KIAA1755: variants seen among roughly 807,000 people sequenced by gnomAD.
The protein encoded by KIAA1755 is KIAA1755, also known as uncharacterized protein KIAA1755.
Under a neutral mutation model 91.7 loss-of-function variants are expected in KIAA1755, and 68 were observed. That is an observed-to-expected ratio of 0.74 (90% CI 0.61 to 0.91). KIAA1755 has a LOEUF of 0.91. KIAA1755 is among the 40% of genes least tolerant of loss of function. The probability of loss-of-function intolerance (pLI) is 0.00; values close to 1 mark genes in which losing one functional copy is unlikely to be tolerated. For missense variants in KIAA1755, 1,535 were observed against 1,494.4 expected (o/e 1.03, Z -0.45); for synonymous variants, 610 against 604.6 (o/e 1.01, Z -0.13).
chr20:38,250,803 C>T (rs928105865), intron 1 of KIAA1755, among the ~76,000 whole-genome samples: 2 of 151,306 alleles, frequency 1.3e-5, no homozygotes, highest in South Asian at 2.1e-4. Context: ...AAATGCAGGG[C>T]GCCATGATGT....
intron 4 of KIAA1755, among the ~76,000 whole-genome samples, chr20:38,237,994 C>G (rs1461508120): frequency 1.3e-5 from 2 of 152,118 alleles, no homozygotes; most frequent in Admixed American, 6.6e-5. Flanking sequence ...ATGTTGCAAC[C>G]CCCAAGAATT....
chr20:38,239,479 G>T, intron 4 of KIAA1755, 49 bp downstream of exon 4: 1 of 1,575,318 alleles, frequency 6.3e-7, no homozygotes. Flanking sequence ...AAGATGCTCT[G>T]GGGCCCCCAG....
At chr20:38,225,574 A>T (rs1267802649) in intron 8 of KIAA1755, 91 bp downstream of exon 8, 1 of 850,986 alleles carries the variant, frequency 1.2e-6, no homozygotes. Context: ...ATTTTTTAGC[A>T]TAGCAGGGTT....
rs778399660 is a variant in KIAA1755 at position 38,222,688 on chromosome 20, C to T, written c.2269-91G>A. On this transcript the variant is annotated intron_variant, in intron 9 of 13. Transcript: ENST00000279024. ...CCCACACCCAGATCAAGTCCAACTC[C>T]CAGTTTGGCATTCAAGGTCCTCCAG... 5.0e-6 allele frequency: 7 copies of T among 1,393,086 alleles called. No individual in the cohort carries two copies. The Admixed American group carries it at 1.4e-4, about 27-fold the overall frequency. 86.3% of individuals were successfully genotyped at this position (1,393,086 alleles called of 1,614,324 possible). A position where few individuals can be genotyped will look rare whatever the true frequency, so the allele number is the denominator to read the frequency against.
Position 38,260,636 on chromosome 20 carries a change from A to G in KIAA1755, c.-136T>C, listed in dbSNP as rs867444783. ...CCAGGGGATAGGGCAGGCCCGGGGC[A>G]CCGACCCCGGCGTCATCTCGGAGGA... On this transcript the variant is annotated 5_prime_UTR_variant, in exon 1 of 14. Transcript: ENST00000279024. 1.6e-5 allele frequency: 17 copies of G among 1,079,088 alleles called. No individual in the cohort carries two copies. In the South Asian group the frequency reaches 3.6e-4, roughly 23 times the overall value. 66.8% of individuals were successfully genotyped at this position (1,079,088 alleles called of 1,614,324 possible). A position where few individuals can be genotyped will look rare whatever the true frequency, so the allele number is the denominator to read the frequency against.
Position 38,218,342 on chromosome 20 carries a change from C to T in KIAA1755, c.2581G>A (p.Gly861Arg), listed in dbSNP as rs777259424. 8 of 1,614,214 alleles carry T rather than the reference C, an allele frequency of 5.0e-6. No individual in the cohort carries two copies. Among genetic ancestry groups the T allele is most frequent in the Non-Finnish European group, 6.8e-6 (8 of 1,180,030 alleles). The change falls in exon 12 of 14, where the codon GGA becomes AGA. Residue 861 changes from glycine to arginine, a missense_variant. Gly to Arg is a moderately radical substitution (Grantham distance 125). Coordinates refer to ENST00000279024, the MANE Select transcript of KIAA1755 (RefSeq NM_001029864.2). ...GTCAGTGATTGCAGGCACCGCCTTC[C>T]TTCCTGCTCCATCCAGTCGCTGACC... ...HQVSDWMEQE[G>R]RRCLQSLTPK...
chr20:38,215,579 G>A (rs2075530343), intron 13 of KIAA1755, among the ~76,000 whole-genome samples: 1 of 152,196 alleles, frequency 6.6e-6, no homozygotes. Flanking sequence ...AGTCAGAAAG[G>A]GTGTCTGCAA....
At position 38,214,020 on chromosome 20, in the gene KIAA1755, C is replaced by T. The variant is rs1375402352; in HGVS notation, c.2902-277G>A. On this transcript the variant is annotated intron_variant, in intron 13 of 13. Transcript: ENST00000279024. ...AGGCTAGAGTGCAGTGGTGTGATCT[C>T]GGCTCACTGCAAGCTCTGCTTCCCA... Among the ~76,000 whole-genome samples, 5 of 149,048 alleles carry T rather than the reference C, an allele frequency of 3.4e-5. No individual in the cohort carries two copies. In the East Asian group the frequency reaches 6.0e-4, roughly 18 times the overall value.
At chr20:38,254,347 T>TG (rs1179251202) in intron 1 of KIAA1755, among the ~76,000 whole-genome samples, 4 of 141,838 alleles carry the variant, frequency 2.8e-5, no homozygotes, top group African/African-American at 8.5e-5. Flanking sequence ...CCCTGTTCCT[T>TG]GGGGAAAAAA....
chr20:38,250,502 G>GTGTGTGTC (rs1555830362), intron 1 of KIAA1755, among the ~76,000 whole-genome samples: 2,858 of 141,570 alleles, frequency 0.02, 35 homozygotes, highest in Non-Finnish European at 0.034. Flanking sequence ...GTGTGTGTGT[G>GTGTGTGTC]TGTGTGTGTC....
At chr20:38,232,544 C>T (rs910020528) in intron 4 of KIAA1755, among the ~76,000 whole-genome samples, 7 of 150,304 alleles carry the variant, frequency 4.7e-5, no homozygotes, top group Non-Finnish European at 7.4e-5. Context: ...ATGAGAATGG[C>T]GTGAACCTGG....
At chr20:38,259,820 CCACACACACACACACA>C in intron 1 of KIAA1755, among the ~76,000 whole-genome samples, 1 of 138,698 alleles carries the variant, frequency 7.2e-6, no homozygotes, top group East Asian at 2.1e-4. Flanking sequence ...ACCACCACCA[CCACACACACACACACA>C]CACACACACA....
At chr20:38,232,451 C>T (rs1296788452) in intron 4 of KIAA1755, among the ~76,000 whole-genome samples, 1 of 151,710 alleles carries the variant, frequency 6.6e-6, no homozygotes, top group Non-Finnish European at 1.5e-5. Context: ...ATGGTGAAAC[C>T]CCGTCTCTAC....
intron 1 of KIAA1755, among the ~76,000 whole-genome samples, chr20:38,254,943 G>T (rs1381001944): frequency 6.6e-6 from 1 of 152,094 alleles, no homozygotes; most frequent in Non-Finnish European, 1.5e-5. Flanking sequence ...TTGGGAGGCT[G>T]AGGCAGGCAG....
chr20:38,236,900 A>T (rs966753068), intron 4 of KIAA1755: 1 of 152,134 alleles, frequency 6.6e-6, no homozygotes, highest in Non-Finnish European at 1.5e-5. Flanking sequence ...GCGTGTTCTC[A>T]TCCTGATGGG....
At chr20:38,252,667 G>A (rs959916342) in intron 1 of KIAA1755, among the ~76,000 whole-genome samples, 1 of 152,162 alleles carries the variant, frequency 6.6e-6, no homozygotes, top group African/African-American at 2.4e-5. Flanking sequence ...TGAAGAAACT[G>A]TTTACCTCTC....
Position 38,217,289 on chromosome 20 carries a change from GA to G in KIAA1755, c.2864del (p.Leu955ProfsTer14). ...YMAAERQRTD[L>X]ETLLHLHRFC... is the part of the protein sequence containing the mutation. Reference sequence around the variant, plus strand: ...AGCGGTGCAGGTGGAGCAGCGTCTCGAGGTCCGTGCGTTGCCGCTCGGCCGC... The same window carrying G: ...AGCGGTGCAGGTGGAGCAGCGTCTCGGGTCCGTGCGTTGCCGCTCGGCCGC... On this transcript the variant is annotated frameshift_variant, in exon 13 of 14. Transcript: ENST00000279024. LOFTEE classifies it low-confidence loss of function (END_TRUNC). 1 of 1,606,966 alleles carries G rather than the reference GA, an allele frequency of 6.2e-7. No individual in the cohort carries two copies. Among genetic ancestry groups the G allele is most frequent in the Non-Finnish European group, 8.5e-7 (1 of 1,177,540 alleles).
In KIAA1755 at chr20:38,213,463, G is replaced by A. The variant is rs373406099; in HGVS notation, c.3182C>T (p.Pro1061Leu). The A allele has an allele frequency of 2.3e-5, 37 of 1,604,910 alleles. No homozygotes were observed. The highest frequency in any genetic ancestry group is 3.0e-5 in the Non-Finnish European group (35 of 1,175,904). ...TTCTGGGCGCGCTGAGTGAGCAGCTGGAGCCTCTGGGCAAGAGCTGTGGGT... is the reference window on the plus strand; with the variant it reads ...TTCTGGGCGCGCTGAGTGAGCAGCTAGAGCCTCTGGGCAAGAGCTGTGGGT... Reference protein sequence around the residue: ...ALTHSSCPEAPAAHSARPERR... With the variant: ...ALTHSSCPEALAAHSARPERR... The change falls in exon 14 of 14, where the codon CCA becomes CTA. Residue 1061 changes from proline to leucine, a missense_variant. Transcript: ENST00000279024.
In KIAA1755 at chr20:38,213,289, C is replaced by G; in HGVS notation, c.3356G>C (p.Arg1119Thr). ...GGGTGGAGAGCCTGCCTGGAAAGTT[C>G]TGTTCTGTTCCCCTCTGGGGGGCCC... ...PPGPPRGEQN[R>T]TFQAGSPPQE... Residue 1119 changes from arginine to threonine, a missense_variant, in exon 14 of 14, where the codon AGA becomes ACA. By Grantham distance (71) the Arg-to-Thr change is moderately conservative (BLOSUM62 -1). Coordinates refer to ENST00000279024, the MANE Select transcript of KIAA1755 (RefSeq NM_001029864.2). 1 of 1,613,828 alleles carries G rather than the reference C, an allele frequency of 6.2e-7. No homozygotes were observed. Among genetic ancestry groups the G allele is most frequent in the African/African-American group, 1.3e-5 (1 of 75,062 alleles).
Sources: gnomAD v4.1 joint callset for allele counts (sites outside exome capture counted in the v4.1 genomes callset) on GRCh38, gnomAD v4.1.1 for gene constraint, MANE v1.5 for transcripts, NCBI Gene and HGNC (gene_info 2026-07-23, HGNC 2026-07-21) for gene names.